BCAS1: variants seen among roughly 807,000 people sequenced by gnomAD.
BCAS1 encodes the protein brain enriched myelin associated protein 1.
Under a neutral mutation model 65.4 loss-of-function variants are expected in BCAS1, and 46 were observed. The ratio of observed to expected loss-of-function variants is 0.70; its 90% CI spans 0.55 to 0.90. The LOEUF is 0.90. Among genes scored for constraint, BCAS1 ranks in the 40% least tolerant of loss-of-function variants. The pLI, the probability that BCAS1 is intolerant of heterozygous loss-of-function variation, is 0.00. For missense variants in BCAS1, 793 were observed against 771.2 expected (o/e 1.03, Z -0.33); for synonymous variants, 298 against 293.5 (o/e 1.02, Z -0.16).
intron 12 of BCAS1, among the ~76,000 whole-genome samples, chr20:53,945,799 G>A (rs1177331728): frequency 1.3e-5 from 2 of 152,076 alleles, no homozygotes; most frequent in African/African-American, 4.8e-5. Flanking sequence ...TTGAGACAAA[G>A]TCTTACTCTG....
At chr20:54,056,861 T>C (rs2092304445) in intron 3 of BCAS1, among the ~76,000 whole-genome samples, 1 of 152,202 alleles carries the variant, frequency 6.6e-6, no homozygotes, top group Non-Finnish European at 1.5e-5. Flanking sequence ...GGAGCACTTA[T>C]TATCAGTCAG....
At chr20:54,068,669 C>T (rs290447) in intron 1 of BCAS1, among the ~76,000 whole-genome samples, 55,087 of 152,012 alleles carry the variant, frequency 0.36, 10,759 homozygotes, top group Middle Eastern at 0.51. Context: ...CCTTACTAGT[C>T]CTACTTGCCC....
intron 2 of BCAS1, 47 bp from the exon 3 acceptor site, chr20:54,058,201 T>C (rs2092326173): frequency 6.6e-7 from 1 of 1,523,288 alleles, no homozygotes; most frequent in African/African-American, 1.4e-5. Context: ...CGGGGGAAAA[T>C]CAGAAGAACT....
At chr20:54,017,348 A>T (rs1350290554) in intron 4 of BCAS1, among the ~76,000 whole-genome samples, 1 of 150,430 alleles carries the variant, frequency 6.6e-6, no homozygotes, top group East Asian at 1.9e-4. Flanking sequence ...AGGACACATG[A>T]GTTGGCACAC....
intron 4 of BCAS1, among the ~76,000 whole-genome samples, chr20:54,021,195 G>A (rs2091549469): frequency 6.6e-6 from 1 of 152,048 alleles, no homozygotes; most frequent in Admixed American, 6.6e-5. Flanking sequence ...TCACCAAAGG[G>A]CTCTGAGGAT....
At chr20:53,998,840 T>C (rs1004868903) in intron 4 of BCAS1, among the ~76,000 whole-genome samples, 6 of 152,000 alleles carry the variant, frequency 3.9e-5, no homozygotes, top group African/African-American at 1.2e-4. Context: ...ATTTACAGCA[T>C]GCAAACCACT....
At chr20:54,032,065 T>G (rs2091812746) in intron 3 of BCAS1, among the ~76,000 whole-genome samples, 1 of 150,716 alleles carries the variant, frequency 6.6e-6, no homozygotes, top group South Asian at 2.1e-4. Context: ...TAAGAAAAAA[T>G]GCTAAAGGCA....
At chr20:53,970,225 A>G (rs1555847736) in intron 9 of BCAS1, among the ~76,000 whole-genome samples, 1 of 152,188 alleles carries the variant, frequency 6.6e-6, no homozygotes, top group Non-Finnish European at 1.5e-5. Flanking sequence ...GTTGAGAGGT[A>G]TCAACCCATA....
chr20:53,966,386 C>A (rs976312609), intron 10 of BCAS1, among the ~76,000 whole-genome samples: 1 of 152,104 alleles, frequency 6.6e-6, no homozygotes, highest in Non-Finnish European at 1.5e-5. Flanking sequence ...AATGGAAAAC[C>A]AAATACTGTA....
At chr20:54,025,663 TGGAG>T (rs2091656332) in intron 4 of BCAS1, among the ~76,000 whole-genome samples, 2 of 151,988 alleles carry the variant, frequency 1.3e-5, no homozygotes, top group Admixed American at 1.3e-4. Flanking sequence ...GAAGGGCTGC[TGGAG>T]GGAGGCAGTA....
At chr20:54,066,976 T>C (rs2092451676) in intron 1 of BCAS1, among the ~76,000 whole-genome samples, 1 of 152,264 alleles carries the variant, frequency 6.6e-6, no homozygotes, top group African/African-American at 2.4e-5. Context: ...TTATGAAATA[T>C]TTATATGTAA....
At chr20:54,028,323 G>T in intron 4 of BCAS1, 69 bp downstream of exon 4, 1 of 1,533,100 alleles carries the variant, frequency 6.5e-7, no homozygotes, top group Non-Finnish European at 9.0e-7. Context: ...CATATGTGCA[G>T]TGGTCTTATC....
At position 53,961,973 on chromosome 20, in the gene BCAS1, G is replaced by C. The variant is rs145952870; in HGVS notation, c.1486-4476C>G. ...AGTGCCTAGCAGACAATAAATAAACGGTAGCTCTCATTGTTGTTACTGCCG... is the reference window on the plus strand; with the variant it reads ...AGTGCCTAGCAGACAATAAATAAACCGTAGCTCTCATTGTTGTTACTGCCG... On this transcript the variant is annotated intron_variant, in intron 10 of 12. Coordinates refer to ENST00000688948, the MANE Select transcript of BCAS1 (RefSeq NM_001366298.2). Among the ~76,000 whole-genome samples the C allele has an allele frequency of 9.0e-3, 1,368 of 151,804 alleles. 10 individuals carry two copies. Among genetic ancestry groups the C allele is most frequent in the Middle Eastern group, 0.037 (11 of 294 alleles).
intron 10 of BCAS1, among the ~76,000 whole-genome samples, chr20:53,962,303 C>T (rs1217926565): frequency 6.6e-6 from 1 of 152,188 alleles, no homozygotes; most frequent in Non-Finnish European, 1.5e-5. Context: ...TTCATGGCTG[C>T]CTCCTCATTT....
intron 4 of BCAS1, among the ~76,000 whole-genome samples, chr20:54,009,436 C>T (rs902749500): frequency 7.9e-5 from 12 of 152,066 alleles, no homozygotes; most frequent in African/African-American, 2.9e-4. Context: ...AGGAGAATGC[C>T]ATAACCAATG....
chr20:54,044,231 G>GT (rs1004796869), intron 3 of BCAS1, among the ~76,000 whole-genome samples: 4 of 152,078 alleles, frequency 2.6e-5, no homozygotes, highest in Non-Finnish European at 4.4e-5. Flanking sequence ...CTCTTTTCAT[G>GT]TTTTTTTCAT....
chr20:53,990,142 G>A (rs1471881036), intron 7 of BCAS1, among the ~76,000 whole-genome samples: 1 of 152,156 alleles, frequency 6.6e-6, no homozygotes, highest in South Asian at 2.1e-4. Flanking sequence ...ATGAATGAAT[G>A]GTAGAGCTTA....
At chr20:54,041,930 A>AAAAAAAAAAAAAAAC (rs2092007153) in intron 3 of BCAS1, among the ~76,000 whole-genome samples, 1 of 150,156 alleles carries the variant, frequency 6.7e-6, no homozygotes, top group Admixed American at 6.6e-5. Context: ...AAAAAAAAAA[A>AAAAAAAAAAAAAAAC]AGAACAGCCA....
chr20:54,063,090 A>G (rs910500957), intron 1 of BCAS1, among the ~76,000 whole-genome samples: 1 of 152,218 alleles, frequency 6.6e-6, no homozygotes. Flanking sequence ...CAGTGCCCCA[A>G]AGGTCCTGGA....
Sources: allele counts gnomAD v4.1 joint callset (sites outside exome capture counted in the v4.1 genomes callset), GRCh38; gene constraint gnomAD v4.1.1; transcripts MANE v1.5; gene names NCBI Gene and HGNC (gene_info 2026-07-23, HGNC 2026-07-21).